OCRL: variants seen among roughly 807,000 people sequenced by gnomAD.
The protein encoded by OCRL is OCRL inositol polyphosphate-5-phosphatase.
In OCRL, 8 loss-of-function variants were observed where a neutral mutation model predicts 78.9. The ratio of observed to expected loss-of-function variants is 0.10; its 90% confidence interval spans 0.06 to 0.18. OCRL has a LOEUF of 0.18. Ranked by LOEUF, OCRL falls within the 10% of genes least tolerant of loss-of-function variation. The pLI, the probability that OCRL is intolerant of heterozygous loss-of-function variation, is 1.00. For synonymous variants in OCRL, 240 were observed against 235.4 expected (o/e 1.02, Z -0.18); for missense variants, 454 against 696.7 (o/e 0.65, Z 3.92).
Position 129,575,169 on chromosome X carries a change from G to C in OCRL, c.1632G>C (p.Arg544=). The change falls in exon 16 of 24, where the codon CGG becomes CGC. Residue 544 remains arginine (R), a synonymous_variant. Coordinates refer to ENST00000371113, the MANE Select transcript of OCRL (RefSeq NM_000276.4). ...GVKVVDERRY[R]KVFEDSVRIM... The stretch of plus-strand genomic sequence containing the variant: ...AGGTTGTGGATGAACGAAGGTACCG[G>C]AAAGTCTTTGAAGATAGTGTACGCA... 1 of 1,208,392 alleles carries C rather than the reference G, an allele frequency of 8.3e-7. No individual in the cohort carries two copies. Among genetic ancestry groups the C allele is most frequent in the African/African-American group, 1.7e-5 (1 of 57,782 alleles).
rs186489169 is a variant in OCRL, at chrX:129,565,940, G to A, written c.1356+57G>A. On this transcript the variant is annotated intron_variant, in intron 13 of 23. Coordinates refer to ENST00000371113, the MANE Select transcript of OCRL (RefSeq NM_000276.4). Reference sequence around the variant, plus strand: ...CTAGATGGGAGATGAGATTGTTAGAGTTATGGGAGGTATATCTTACTCTAG... The same window carrying A: ...CTAGATGGGAGATGAGATTGTTAGAATTATGGGAGGTATATCTTACTCTAG... 2,206 of 794,518 alleles carry A rather than the reference G, an allele frequency of 2.8e-3. 1 individual carries two copies. The highest frequency in any genetic ancestry group is 3.6e-3 in the Non-Finnish European group (1,862 of 522,442). 65.5% of individuals were successfully genotyped at this position (794,518 alleles called of 1,213,427 possible). A position where few individuals can be genotyped will look rare whatever the true frequency, so the allele number is the denominator to read the frequency against.
intron 3 of OCRL, among the ~76,000 whole-genome samples, chrX:129,547,095 G>T (rs1191531838): frequency 9.0e-6 from 1 of 111,094 alleles, no homozygotes; most frequent in Non-Finnish European, 1.9e-5. Flanking sequence ...CAGACGTGGT[G>T]GCAGATACAT....
intron 4 of OCRL, among the ~76,000 whole-genome samples, chrX:129,550,328 G>A (rs964208336): frequency 1.3e-4 from 14 of 111,253 alleles, no homozygotes; most frequent in African/African-American, 2.9e-4. Context: ...TTTATCCTGC[G>A]TCTTCATTTA....
At chrX:129,590,065 G>A in intron 23 of OCRL, 81 bp from the exon 24 acceptor site, 1 of 1,188,868 alleles carries the variant, frequency 8.4e-7, no homozygotes, top group Non-Finnish European at 1.1e-6. Context: ...AATAGTCCTT[G>A]TCCCCAGGCC....
chrX:129,554,508 G>A (rs936549142), intron 4 of OCRL: 1 of 112,005 alleles, frequency 8.9e-6, no homozygotes, highest in Non-Finnish European at 1.9e-5. Context: ...AGAGGAAAGG[G>A]AGGAAACGGT....
rs962467174 is a variant in OCRL at position 129,540,303 on chromosome X, TCCCGGCG to T, written c.-121_-115del. On this transcript the variant is annotated 5_prime_UTR_variant, in exon 1 of 24. Transcript: ENST00000371113. The stretch of plus-strand genomic sequence containing the variant: ...CAGCTCCCAGCTCCCCGCTCCCGGC[TCCCGGCG>T]CCCGGCGCCCGGCGCGGAGCTGTTC... The T allele has an allele frequency of 3.9e-5, 27 of 693,176 alleles. No individual in the cohort carries two copies. The highest frequency in any genetic ancestry group is 5.4e-5 in the Admixed American group (2 of 36,754). 57.1% of individuals were successfully genotyped at this position (693,176 alleles called of 1,213,427 possible).
chrX:129,552,676 C>T (rs182401412), intron 4 of OCRL, among the ~76,000 whole-genome samples: 9 of 112,325 alleles, frequency 8.0e-5, no homozygotes, highest in Admixed American at 5.6e-4. Flanking sequence ...CTGCCCACCT[C>T]GGCCTTCCAA....
chrX:129,583,181 A>G (rs985682089), intron 18 of OCRL, among the ~76,000 whole-genome samples: 9 of 111,762 alleles, frequency 8.1e-5, no homozygotes, highest in Admixed American at 9.5e-5. Context: ...GGGCTATACA[A>G]AATTGCCAAG....
intron 2 of OCRL, among the ~76,000 whole-genome samples, chrX:129,543,011 G>A (rs1446501374): frequency 9.0e-6 from 1 of 111,558 alleles, no homozygotes; most frequent in Non-Finnish European, 1.9e-5. Context: ...ATTTTTCAAG[G>A]ATAATAGATT....
intron 2 of OCRL, among the ~76,000 whole-genome samples, chrX:129,543,159 G>T (rs755619501): frequency 1.8e-5 from 2 of 111,891 alleles, no homozygotes; most frequent in East Asian, 2.8e-4. Flanking sequence ...TTGTTTTGCT[G>T]TATACCAATT....
intron 8 of OCRL, 122 bp from the exon 9 acceptor site, chrX:129,560,428 C>T (rs1417733569): frequency 4.4e-6 from 2 of 451,601 alleles, no homozygotes; most frequent in Non-Finnish European, 7.9e-6. Flanking sequence ...TGTGGCAAAA[C>T]ATTTTGAGGA....
At chrX:129,544,664 C>T (rs1247609343) in intron 2 of OCRL, among the ~76,000 whole-genome samples, 2 of 111,790 alleles carry the variant, frequency 1.8e-5, no homozygotes, top group South Asian at 3.7e-4. Flanking sequence ...GTCAGTTCTT[C>T]ACTCTGGTAT....
chrX:129,582,573 C>CA (rs1277280029), intron 18 of OCRL, among the ~76,000 whole-genome samples: 1 of 112,289 alleles, frequency 8.9e-6, no homozygotes, highest in East Asian at 2.8e-4. Context: ...CATTTGATAA[C>CA]AAGTCCTAAA....
chrX:129,581,256 A>C (rs765559606), intron 18 of OCRL, among the ~76,000 whole-genome samples: 1 of 112,409 alleles, frequency 8.9e-6, no homozygotes, highest in East Asian at 2.8e-4. Flanking sequence ...TCTGAGGGTG[A>C]ATGTTGGGGT....
intron 22 of OCRL, 90 bp from the exon 23 acceptor site, chrX:129,589,755 T>C: frequency 1.6e-6 from 1 of 628,807 alleles, no homozygotes; most frequent in Non-Finnish European, 2.7e-6. Context: ...AAGGGTTGGA[T>C]TATAGACTAC....
At chrX:129,558,482 G>A (rs1049341535) in intron 6 of OCRL, 151 bp from the exon 7 acceptor site, 6 of 625,394 alleles carry the variant, frequency 9.6e-6, no homozygotes, top group South Asian at 5.5e-5. Flanking sequence ...ATGCTTCTTC[G>A]AACTCCAATC....
chrX:129,579,547 C>T (rs936778593), intron 18 of OCRL, among the ~76,000 whole-genome samples: 5 of 111,966 alleles, frequency 4.5e-5, no homozygotes, highest in African/African-American at 1.3e-4. Context: ...CCACCAAATG[C>T]AGAATGAAAT....
chrX:129,544,121 C>T (rs760321589), intron 2 of OCRL, among the ~76,000 whole-genome samples: 123 of 111,118 alleles, frequency 1.1e-3, no homozygotes, highest in African/African-American at 3.9e-3. Context: ...AAACTAAAAA[C>T]AATACTTGAA....
chrX:129,552,029 G>A (rs770521106), intron 4 of OCRL, among the ~76,000 whole-genome samples: 42 of 111,640 alleles, frequency 3.8e-4, no homozygotes, highest in Non-Finnish European at 7.2e-4. Flanking sequence ...CAGGCTAGGG[G>A]GCAGATCTGG....
Sources: gnomAD v4.1 joint callset for allele counts (sites outside exome capture counted in the v4.1 genomes callset) on GRCh38, gnomAD v4.1.1 for gene constraint, MANE v1.5 for transcripts, NCBI Gene and HGNC (gene_info 2026-07-23, HGNC 2026-07-21) for gene names.